WWOX: variants seen among roughly 807,000 people sequenced by gnomAD.
WWOX encodes the protein WW domain-containing oxidoreductase.
Under a neutral mutation model 46.2 loss-of-function variants are expected in WWOX, and 69 were observed. That is an observed-to-expected ratio of 1.49 (90% confidence interval 1.23 to 1.82). The LOEUF is 1.82. Ranked by LOEUF, WWOX falls within the 40% of genes most tolerant of loss-of-function variation. WWOX has a pLI of 0.00. For synonymous variants in WWOX, 359 were observed against 202.6 expected (o/e 1.77, Z -6.56); for missense variants, 919 against 542.6 (o/e 1.69, Z -6.89).
chr16:79,063,861 T>C (rs1349584800), intron 8 of WWOX, among the ~76,000 whole-genome samples: 1 of 152,222 alleles, frequency 6.6e-6, no homozygotes, highest in African/African-American at 2.4e-5. Context: ...TTGCTGCTCT[T>C]CCTGAAATCA....
intron 8 of WWOX, among the ~76,000 whole-genome samples, chr16:79,106,353 A>G (rs1486447617): frequency 1.3e-5 from 2 of 152,196 alleles, no homozygotes; most frequent in Admixed American, 6.5e-5. Flanking sequence ...AATCTTTGGC[A>G]TTCAGAAGCT....
chr16:78,675,045 A>G (rs1317849644), intron 8 of WWOX, among the ~76,000 whole-genome samples: 1 of 152,222 alleles, frequency 6.6e-6, no homozygotes, highest in Non-Finnish European at 1.5e-5. Context: ...ATTACATGGT[A>G]AGTGCTAAGT....
intron 8 of WWOX, among the ~76,000 whole-genome samples, chr16:79,097,857 G>A (rs1378404822): frequency 1.3e-5 from 2 of 152,100 alleles, no homozygotes; most frequent in Non-Finnish European, 2.9e-5. Context: ...TTTGACCATT[G>A]CATCTTGCCT....
At chr16:78,227,631 C>G (rs142109443) in intron 5 of WWOX, among the ~76,000 whole-genome samples, 4 of 152,124 alleles carry the variant, frequency 2.6e-5, no homozygotes, top group Non-Finnish European at 5.9e-5. Flanking sequence ...AATCCCAGCA[C>G]TTTGGGAGGC....
chr16:78,405,828 G>C (rs1597178095), intron 6 of WWOX, among the ~76,000 whole-genome samples: 1 of 152,042 alleles, frequency 6.6e-6, no homozygotes, highest in Non-Finnish European at 1.5e-5. Context: ...GGCTCAGAGG[G>C]GTTTATTCAC....
At chr16:78,279,946 A>G (rs2079646123) in intron 5 of WWOX, among the ~76,000 whole-genome samples, 1 of 152,234 alleles carries the variant, frequency 6.6e-6, no homozygotes, top group African/African-American at 2.4e-5. Flanking sequence ...CTATCTCCTT[A>G]TGGAAAACAG....
chr16:79,128,379 C>G (rs555326465), intron 8 of WWOX, among the ~76,000 whole-genome samples: 1 of 148,624 alleles, frequency 6.7e-6, no homozygotes, highest in Non-Finnish European at 1.5e-5. Flanking sequence ...AAACAAAAAA[C>G]AAAAAACAAA....
chr16:78,327,523 T>C (rs182018677), intron 5 of WWOX, among the ~76,000 whole-genome samples: 2 of 152,276 alleles, frequency 1.3e-5, no homozygotes, highest in Admixed American at 1.3e-4. Flanking sequence ...CATGGAGCGC[T>C]CAGCAAATAC....
At chr16:78,501,193 C>CT (rs1218791135) in intron 8 of WWOX, among the ~76,000 whole-genome samples, 192 of 90,938 alleles carry the variant, frequency 2.1e-3, no homozygotes, top group Middle Eastern at 7.9e-3. Flanking sequence ...CTTTCTTTCT[C>CT]TTTTTTTTTT....
intron 8 of WWOX, chr16:78,996,454 C>A: frequency 4.1e-6 from 2 of 490,710 alleles, no homozygotes; most frequent in Non-Finnish European, 2.6e-6. Flanking sequence ...TCAAAGTGCT[C>A]AGCACTGGGC....
chr16:79,074,753 C>G (rs2048622656), intron 8 of WWOX, among the ~76,000 whole-genome samples: 1 of 152,034 alleles, frequency 6.6e-6, no homozygotes, highest in Admixed American at 6.6e-5. Flanking sequence ...TAGCCTAACT[C>G]CCCCAGCTCA....
At chr16:78,104,687 C>G (rs1216506591) in intron 1 of WWOX, among the ~76,000 whole-genome samples, 1 of 151,966 alleles carries the variant, frequency 6.6e-6, no homozygotes, top group Non-Finnish European at 1.5e-5. Flanking sequence ...TAGGAGAATG[C>G]TTAGGGGACA....
At chr16:78,852,960 T>A (rs554736661) in intron 8 of WWOX, among the ~76,000 whole-genome samples, 1 of 152,322 alleles carries the variant, frequency 6.6e-6, no homozygotes, top group Admixed American at 6.5e-5. Flanking sequence ...ATCAGTCAGA[T>A]GAACTGCAAT....
In WWOX at chr16:78,432,388, G is replaced by A; in HGVS notation, c.792-100G>A. The stretch of plus-strand genomic sequence containing the variant: ...CCCAAAGTGCTCGGATTACAGATGT[G>A]AGCCACTGCACCCAGCATTCCTTAG... On this transcript the variant is annotated intron_variant, in intron 7 of 8. Transcript: ENST00000566780. 3.3e-6 allele frequency: 5 copies of A among 1,497,016 alleles called. No individual in the cohort carries two copies. The East Asian group carries it at 1.1e-4, about 34-fold the overall frequency. 92.7% of individuals were successfully genotyped at this position (1,497,016 alleles called of 1,614,324 possible).
intron 8 of WWOX, among the ~76,000 whole-genome samples, chr16:78,742,908 T>C (rs1427723446): frequency 1.3e-5 from 2 of 152,120 alleles, no homozygotes; most frequent in South Asian, 2.1e-4. Context: ...GGCCACTTCC[T>C]GGGCCTCCCA....
intron 8 of WWOX, among the ~76,000 whole-genome samples, chr16:78,937,032 C>G (rs556044587): frequency 2.0e-5 from 3 of 152,112 alleles, no homozygotes; most frequent in Non-Finnish European, 4.4e-5. Flanking sequence ...TGTACTAAAC[C>G]TGGTCCTGGA....
At chr16:79,121,216 A>C (rs1190313458) in intron 8 of WWOX, among the ~76,000 whole-genome samples, 3 of 152,200 alleles carry the variant, frequency 2.0e-5, no homozygotes, top group Non-Finnish European at 4.4e-5. Flanking sequence ...GGGAGTTGAC[A>C]TGGGTATCCT....
intron 5 of WWOX, among the ~76,000 whole-genome samples, chr16:78,310,387 T>G (rs925245396): frequency 5.3e-5 from 8 of 152,348 alleles, no homozygotes; most frequent in Admixed American, 1.3e-4. Flanking sequence ...CTGAATGAAT[T>G]AATATTTCAC....
At position 79,128,613 on chromosome 16, in the gene WWOX, C is replaced by CA. The variant is rs747286584; in HGVS notation, c.1057-82994dup. 4.7e-4 allele frequency among the ~76,000 whole-genome samples: 71 copies of CA among 152,294 alleles called. 1 individual carries two copies. Among genetic ancestry groups the CA allele is most frequent in the African/African-American group, 1.7e-3 (69 of 41,556 alleles). ...GATTTCAGTAGCAAATGCAGTGGCA[C>CA]AGAAGGGTCTGGGCATTTATTTCCA... On this transcript the variant is annotated intron_variant, in intron 8 of 8. Transcript: ENST00000566780.
Sources: allele counts gnomAD v4.1 joint callset (sites outside exome capture counted in the v4.1 genomes callset), GRCh38; gene constraint gnomAD v4.1.1; transcripts MANE v1.5; gene names NCBI Gene and HGNC (gene_info 2026-07-23, HGNC 2026-07-21).